RABEP1: variants seen among roughly 807,000 people sequenced by gnomAD.
RABEP1 encodes rab GTPase-binding effector protein 1.
In RABEP1, 51 loss-of-function variants were observed where a neutral mutation model predicts 123.4. The ratio of observed to expected loss-of-function variants is 0.41; its 90% CI spans 0.33 to 0.52. The LOEUF (loss-of-function observed/expected upper bound fraction) is 0.52. Ranked by LOEUF, RABEP1 falls within the 20% of genes least tolerant of loss-of-function variation. RABEP1 has a pLI of 0.16. For synonymous variants in RABEP1, 347 were observed against 355.2 expected (o/e 0.98, Z 0.26); for missense variants, 888 against 996.3 (o/e 0.89, Z 1.46).
chr17:5,285,559 C>G (rs1242628355), intron 1 of RABEP1, among the ~76,000 whole-genome samples: 1 of 152,160 alleles, frequency 6.6e-6, no homozygotes, highest in Non-Finnish European at 1.5e-5. Flanking sequence ...CTGCAACTTC[C>G]CTATCTCACT....
chr17:5,361,500 C>T lies in RABEP1; in HGVS notation c.1388C>T (p.Pro463Leu). The T allele has an allele frequency of 6.2e-7, 1 of 1,614,156 alleles. No homozygotes were observed. The highest frequency in any genetic ancestry group is 1.3e-5 in the African/African-American group (1 of 75,030). The change falls in exon 9 of 18, where the codon CCA (proline) becomes CTA (leucine). Residue 463 changes from proline to leucine, a missense_variant. Transcript: ENST00000537505. ...GCATCCCTTGGGTCACTCCAGATGC[C>T]AAGTGGGTTTATGTTAACCAAAGAT... is the stretch of plus-strand genomic sequence containing the variant. ...DTASLGSLQM[P>L]SGFMLTKDQE... is the part of the protein sequence containing the mutation.
At chr17:5,318,810 C>G (rs1458268478) in intron 2 of RABEP1, among the ~76,000 whole-genome samples, 1 of 152,182 alleles carries the variant, frequency 6.6e-6, no homozygotes, top group Non-Finnish European at 1.5e-5. Flanking sequence ...GATTCCTTGA[C>G]AGTATCTTAG....
At chr17:5,367,976 C>T (rs1253505476) in intron 11 of RABEP1, among the ~76,000 whole-genome samples, 5 of 151,216 alleles carry the variant, frequency 3.3e-5, no homozygotes, top group South Asian at 2.2e-4. Context: ...AGGCTGGTCT[C>T]GAACTCCTGA....
At chr17:5,332,596 ATTTT>A (rs553120401) in intron 3 of RABEP1, among the ~76,000 whole-genome samples, 2 of 105,912 alleles carry the variant, frequency 1.9e-5, no homozygotes, top group Non-Finnish European at 3.8e-5. Context: ...ACGTTTTAGA[ATTTT>A]TTTTTTTTTT....
In RABEP1 at chr17:5,341,437, G is replaced by A. The variant is rs115770411; in HGVS notation, c.648+3299G>A. Among the ~76,000 whole-genome samples the A allele has an allele frequency of 5.5e-3, 839 of 152,312 alleles. 7 individuals are homozygous for A. Among genetic ancestry groups the A allele is most frequent in the African/African-American group, 0.019 (779 of 41,566 alleles). ...AGGTAGTCAGTAATTATTAAAGAAA[G>A]TGGATCTAGAGTAAAAAATCTTATT... On this transcript the variant is annotated intron_variant, in intron 5 of 17. Coordinates refer to ENST00000537505, the MANE Select transcript of RABEP1 (RefSeq NM_004703.6).
chr17:5,366,596 C>T (rs559074233), intron 11 of RABEP1, among the ~76,000 whole-genome samples: 2 of 152,060 alleles, frequency 1.3e-5, no homozygotes, highest in Non-Finnish European at 2.9e-5. Context: ...CAGGCACTTA[C>T]CACCACACCT....
chr17:5,329,818 CATATATATATATATAT>C (rs61446536), intron 2 of RABEP1, among the ~76,000 whole-genome samples: 61,858 of 143,100 alleles, frequency 0.43, 13,984 homozygotes, highest in East Asian at 0.79. Flanking sequence ...TATATATGTT[CATATATATATATATAT>C]ATATATATAT....
At chr17:5,287,938 A>G (rs1344647472) in intron 1 of RABEP1, among the ~76,000 whole-genome samples, 1 of 152,094 alleles carries the variant, frequency 6.6e-6, no homozygotes, top group Non-Finnish European at 1.5e-5. Flanking sequence ...TGACTGCTGG[A>G]TTGGCAGTGG....
At chr17:5,326,878 T>C (rs115533246) in intron 2 of RABEP1, among the ~76,000 whole-genome samples, 3,270 of 152,322 alleles carry the variant, frequency 0.021, 111 homozygotes, top group African/African-American at 0.073. Context: ...CATCGTTTGG[T>C]GATTTTGTCC....
At chr17:5,348,326 G>A (rs1908246921) in intron 6 of RABEP1, among the ~76,000 whole-genome samples, 1 of 152,168 alleles carries the variant, frequency 6.6e-6, no homozygotes, top group South Asian at 2.1e-4. Context: ...GTTTTGGAAG[G>A]TGGGTAGGGG....
intron 1 of RABEP1, among the ~76,000 whole-genome samples, chr17:5,293,346 A>G (rs745949495): frequency 1.4e-4 from 21 of 152,060 alleles, no homozygotes; most frequent in Non-Finnish European, 2.6e-4. Flanking sequence ...TTTGTATATA[A>G]TATCTTCATA....
chr17:5,309,444 G>A (rs770606480), intron 2 of RABEP1, among the ~76,000 whole-genome samples: 2 of 151,036 alleles, frequency 1.3e-5, no homozygotes, highest in African/African-American at 4.9e-5. Flanking sequence ...ACCTGAGGTC[G>A]GGAGTTCAAG....
At chr17:5,324,445 T>G (rs1905765092) in intron 2 of RABEP1, among the ~76,000 whole-genome samples, 1 of 152,144 alleles carries the variant, frequency 6.6e-6, no homozygotes, top group Non-Finnish European at 1.5e-5. Flanking sequence ...CAAAGTAGAT[T>G]AAAGACTTAA....
chr17:5,311,029 C>T (rs2075234398), intron 2 of RABEP1, among the ~76,000 whole-genome samples: 2 of 151,992 alleles, frequency 1.3e-5, no homozygotes, highest in Non-Finnish European at 2.9e-5. Context: ...AGGCTGGTCT[C>T]GAACTCCTGA....
intron 13 of RABEP1, among the ~76,000 whole-genome samples, chr17:5,375,386 C>T (rs1485890681): frequency 6.6e-6 from 1 of 152,072 alleles, no homozygotes; most frequent in African/African-American, 2.4e-5. Context: ...TTGGTGACTG[C>T]TGTCATCAAA....
Position 5,383,485 on chromosome 17 carries a change from T to G in RABEP1, c.*262T>G, listed in dbSNP as rs923239034. On this transcript the variant is annotated 3_prime_UTR_variant, in exon 18 of 18. Transcript: ENST00000537505. ...ACAGGCGTGGGATCAGATTTGGTGA[T>G]GGAAAAAGCGCTGTTTCCTTGCCTG... 19 of 416,558 alleles carry G rather than the reference T, an allele frequency of 4.6e-5. 2 individuals carry two copies. The South Asian group carries it at 6.5e-4, about 14-fold the overall frequency. 25.8% of individuals were successfully genotyped at this position (416,558 alleles called of 1,614,324 possible).
At chr17:5,357,376 C>CT (rs1038905176) in intron 8 of RABEP1, among the ~76,000 whole-genome samples, 5 of 151,820 alleles carry the variant, frequency 3.3e-5, no homozygotes, top group South Asian at 2.1e-4. Context: ...TGATTTGTGA[C>CT]TTTTTTTGTT....
In RABEP1 at chr17:5,377,150, ACAT is replaced by A; in HGVS notation, c.2064_2066del (p.Ile689del). On this transcript the variant is annotated inframe_deletion, in exon 14 of 18. Transcript: ENST00000537505. ...GAGTTGGTATTAAAATACCGTGAGG[ACAT>A]CATTAATGTGCGGACAGCAGCAGAC... 1 of 1,606,050 alleles carries A rather than the reference ACAT, an allele frequency of 6.2e-7. No individual in the cohort carries two copies. The highest frequency in any genetic ancestry group is 8.5e-7 in the Non-Finnish European group (1 of 1,178,218).
intron 8 of RABEP1, chr17:5,360,860 C>T: frequency 3.9e-6 from 1 of 258,564 alleles, no homozygotes; most frequent in Non-Finnish European, 7.5e-6. Flanking sequence ...TGACGTTCCT[C>T]AACTGTTCGT....
Sources: gnomAD v4.1 joint callset for allele counts (sites outside exome capture counted in the v4.1 genomes callset) on GRCh38, gnomAD v4.1.1 for gene constraint, MANE v1.5 for transcripts, NCBI Gene and HGNC (gene_info 2026-07-23, HGNC 2026-07-21) for gene names.